Variants in TMEM255B observed in about 807,000 individuals in gnomAD.
TMEM255B encodes the protein family with sequence similarity 70, member B.
Under a neutral mutation model 34.5 loss-of-function variants are expected in TMEM255B, and 35 were observed. The observed-to-expected ratio is 1.01, with a 90% CI of 0.77 to 1.34. The LOEUF is 1.34. Ranked by LOEUF, TMEM255B falls within the 40% of genes most tolerant of loss-of-function variation. The pLI is 0.00. For missense variants in TMEM255B, 432 were observed against 433.2 expected (o/e 1.00, Z 0.02); for synonymous variants, 206 against 201.2 (o/e 1.02, Z -0.20).
intron 3 of TMEM255B, among the ~76,000 whole-genome samples, chr13:113,785,561 G>T (rs2050728181): frequency 6.6e-6 from 1 of 152,234 alleles, no homozygotes; most frequent in Non-Finnish European, 1.5e-5. Flanking sequence ...GGAGGAGAGA[G>T]GCTGGAAAGC....
At chr13:113,789,840 T>C (rs1465390625) in intron 3 of TMEM255B, among the ~76,000 whole-genome samples, 2 of 152,076 alleles carry the variant, frequency 1.3e-5, no homozygotes, top group Non-Finnish European at 2.9e-5. Flanking sequence ...ATGGACATCC[T>C]AGCCCTGGAC....
chr13:113,804,811 T>C, intron 7 of TMEM255B, 74 bp from the exon 8 acceptor site: 20 of 1,403,972 alleles, frequency 1.4e-5, no homozygotes, highest in Non-Finnish European at 1.9e-5. Flanking sequence ...GGTGCTGGGC[T>C]TTCTAGGAAG....
chr13:113,778,240 G>C (rs1417204847), intron 3 of TMEM255B, among the ~76,000 whole-genome samples: 1 of 152,222 alleles, frequency 6.6e-6, no homozygotes, highest in Non-Finnish European at 1.5e-5. Context: ...ATGTGAGGGA[G>C]GGAAAGGGGA....
chr13:113,765,035 C>T (rs887195382), intron 1 of TMEM255B, among the ~76,000 whole-genome samples: 2 of 152,098 alleles, frequency 1.3e-5, no homozygotes, highest in African/African-American at 2.4e-5. Flanking sequence ...ATTACATTGG[C>T]GAATGGAGTG....
intron 3 of TMEM255B, among the ~76,000 whole-genome samples, chr13:113,779,533 C>T (rs963854440): frequency 2.0e-5 from 3 of 147,226 alleles, no homozygotes; most frequent in Non-Finnish European, 4.5e-5. Flanking sequence ...GATTTGTTCC[C>T]GGAAGTGCTC....
At chr13:113,788,997 T>C (rs1374807556) in intron 3 of TMEM255B, among the ~76,000 whole-genome samples, 1 of 152,016 alleles carries the variant, frequency 6.6e-6, no homozygotes, top group Non-Finnish European at 1.5e-5. Context: ...CAGGTGCTGC[T>C]GGGTGGCCTG....
At chr13:113,767,929 T>G (rs1359187471) in intron 2 of TMEM255B, among the ~76,000 whole-genome samples, 1 of 152,240 alleles carries the variant, frequency 6.6e-6, no homozygotes, top group Non-Finnish European at 1.5e-5. Context: ...AACTGCAGTA[T>G]TTTGAAGCTC....
At chr13:113,802,549 G>A (rs1044859374) in intron 7 of TMEM255B, among the ~76,000 whole-genome samples, 3 of 152,172 alleles carry the variant, frequency 2.0e-5, no homozygotes, top group African/African-American at 7.2e-5. Flanking sequence ...GAGGAGGCCT[G>A]GCAGCACCAG....
intron 7 of TMEM255B, among the ~76,000 whole-genome samples, chr13:113,802,809 C>T (rs1362754550): frequency 6.7e-6 from 1 of 148,368 alleles, no homozygotes; most frequent in Non-Finnish European, 1.5e-5. Flanking sequence ...ACCCAGTGGC[C>T]CCCCAAGCCC....
intron 6 of TMEM255B, among the ~76,000 whole-genome samples, 175 bp from the exon 7 acceptor site, chr13:113,801,478 A>G (rs2051059146): frequency 6.6e-6 from 1 of 152,224 alleles, no homozygotes; most frequent in Admixed American, 6.5e-5. Context: ...CTCACAGGCC[A>G]ATCCCATCAG....
In TMEM255B at chr13:113,816,198, C is replaced by T. The variant is rs1166133790; in HGVS notation, c.*4295C>T. On this transcript the variant is annotated 3_prime_UTR_variant, in exon 9 of 9. Transcript: ENST00000375353. ...TTCGGGGAGGCAAGCGTGTTTGCAGCGTGTTCTGGATGGGGAGAGGTGCAG... is the reference window on the plus strand; with the variant it reads ...TTCGGGGAGGCAAGCGTGTTTGCAGTGTGTTCTGGATGGGGAGAGGTGCAG... 1.3e-5 allele frequency: 2 copies of T among 148,224 alleles called. No individual in the cohort carries two copies. The highest frequency in any genetic ancestry group is 1.4e-4 in the South Asian group (1 of 7,200). 9.2% of individuals were successfully genotyped at this position (148,224 alleles called of 1,614,324 possible). A position where few individuals can be genotyped will look rare whatever the true frequency, so the allele number is the denominator to read the frequency against.
At position 113,769,910 on chromosome 13, in the gene TMEM255B, C is replaced by T. The variant is rs1020645955; in HGVS notation, c.252+750C>T. On this transcript the variant is annotated intron_variant, in intron 3 of 8. Transcript: ENST00000375353. The surrounding 1 kb of genome is among the most constrained non-coding windows in gnomAD (Gnocchi z 4.2). ...TTGCTTCAGAGCAGGCTGGAGTTCT[C>T]AGCTCTTCCCTGCACCGGCTGTCAT... The T allele has an allele frequency of 2.6e-5, 4 of 152,354 alleles. No individual in the cohort carries two copies. The highest frequency in any genetic ancestry group is 9.7e-5 in the African/African-American group (4 of 41,428). The allele number at this position is 152,354 out of a possible 1,614,324, so 9.4% of individuals were successfully genotyped here.
Position 113,811,833 on chromosome 13 carries a change from G to A in TMEM255B, c.911G>A (p.Gly304Asp), listed in dbSNP as rs1052698331. ...SPSSSGSGLP[G>D]QAPPCYAPTY... ...AGCAGCTCTGGCTCTGGGCTTCCCG[G>A]CCAGGCTCCACCGTGCTACGCACCC... The change falls in exon 9 of 9, where the codon GGC (glycine) becomes GAC (aspartate). Residue 304 changes from glycine to aspartate, a missense_variant. Gly to Asp is a moderately conservative substitution (Grantham distance 94). Coordinates refer to ENST00000375353, the MANE Select transcript of TMEM255B (RefSeq NM_182614.4). 1 of 1,613,808 alleles carries A rather than the reference G, an allele frequency of 6.2e-7. No homozygotes were observed. The highest frequency in any genetic ancestry group is 8.5e-7 in the Non-Finnish European group (1 of 1,179,906).
chr13:113,802,619 C>T (rs556404413), intron 7 of TMEM255B, among the ~76,000 whole-genome samples: 3 of 140,270 alleles, frequency 2.1e-5, no homozygotes, highest in East Asian at 1.9e-4. Flanking sequence ...CACTCCTGAG[C>T]GGCTTCTCCA....
chr13:113,804,463 C>A (rs956631808), intron 7 of TMEM255B, among the ~76,000 whole-genome samples: 4 of 152,182 alleles, frequency 2.6e-5, no homozygotes, highest in African/African-American at 9.6e-5. Context: ...CCCAAAAAAT[C>A]AAAAAAGTAA....
At chr13:113,776,132 G>A (rs72672426) in intron 3 of TMEM255B, among the ~76,000 whole-genome samples, 15,048 of 152,162 alleles carry the variant, frequency 0.099, 791 homozygotes, top group South Asian at 0.17. Flanking sequence ...ACCCTGTCCC[G>A]TCCCCCACTC....
chr13:113,788,614 A>G (rs1448421018), intron 3 of TMEM255B, among the ~76,000 whole-genome samples: 2 of 151,920 alleles, frequency 1.3e-5, no homozygotes, highest in African/African-American at 4.8e-5. Context: ...CGTGTGGGTG[A>G]TAACAGACCT....
intron 5 of TMEM255B, chr13:113,800,144 T>C (rs2051018917): frequency 1.1e-6 from 1 of 938,932 alleles, no homozygotes; most frequent in Non-Finnish European, 1.3e-6. Context: ...GGGGGAGGTG[T>C]CCTGTGTGTG....
At chr13:113,777,349 C>G (rs965855453) in intron 3 of TMEM255B, among the ~76,000 whole-genome samples, 1 of 152,186 alleles carries the variant, frequency 6.6e-6, no homozygotes. Context: ...CCAGACCCAG[C>G]CTCTTGCCAG....
Sources: gnomAD v4.1 joint callset for allele counts (sites outside exome capture counted in the v4.1 genomes callset) on GRCh38, gnomAD v4.1.1 for gene constraint, Gnocchi (gnomAD v3.1) non-coding constraint, MANE v1.5 for transcripts, NCBI Gene and HGNC (gene_info 2026-07-23, HGNC 2026-07-21) for gene names.